USP4: variants seen among roughly 807,000 people sequenced by gnomAD.
USP4 encodes ubiquitin specific peptidase 4, also known as ubiquitin carboxyl-terminal hydrolase 4.
Under a neutral mutation model 118.2 loss-of-function variants are expected in USP4, and 72 were observed. The observed-to-expected ratio is 0.61, with a 90% CI of 0.50 to 0.74. USP4 has a LOEUF of 0.74. USP4 is among the 30% of genes least tolerant of loss of function. USP4 has a pLI of 0.00. For missense variants in USP4, 1,037 were observed against 1,185.7 expected (o/e 0.87, Z 1.84); for synonymous variants, 415 against 440.4 (o/e 0.94, Z 0.72).
At chr3:49,316,960 C>T in intron 6 of USP4, 1 of 634,894 alleles carries the variant, frequency 1.6e-6, no homozygotes, top group Non-Finnish European at 2.8e-6. Flanking sequence ...TTGGCAGCTG[C>T]CCCTCTTAGC....
chr3:49,316,477 G>C (rs1382298454), intron 6 of USP4, among the ~76,000 whole-genome samples: 1 of 151,744 alleles, frequency 6.6e-6, no homozygotes, highest in African/African-American at 2.4e-5. Context: ...ATGCCACTAT[G>C]CCTGGCTATT....
In USP4 at chr3:49,327,683, C is replaced by T. The variant is rs2047570979; in HGVS notation, c.360+3G>A. On this transcript the variant is annotated splice_donor_region_variant and intron_variant, in intron 3 of 21. Transcript: ENST00000265560. ...AGCAGGTGGGACAATTCACATAACT[C>T]ACTTTTCTGACGATGGGTTGCTGGC... 2 of 1,614,038 alleles carry T rather than the reference C, an allele frequency of 1.2e-6. No individual in the cohort carries two copies. Among genetic ancestry groups the T allele is most frequent in the Non-Finnish European group, 1.7e-6 (2 of 1,179,940 alleles).
intron 15 of USP4, among the ~76,000 whole-genome samples, chr3:49,288,226 G>A (rs975188398): frequency 1.3e-5 from 2 of 152,172 alleles, no homozygotes; most frequent in African/African-American, 4.8e-5. Context: ...CTGCCTCTCG[G>A]AGAAGGGCAG....
At chr3:49,279,851 G>A (rs943317022) in intron 20 of USP4, among the ~76,000 whole-genome samples, 1 of 152,216 alleles carries the variant, frequency 6.6e-6, no homozygotes, top group African/African-American at 2.4e-5. Context: ...CAATTTTGAA[G>A]TTCCAACTGT....
chr3:49,292,677 A>G lies in USP4; in HGVS notation c.1884-79T>C, dbSNP rs146906098. On this transcript the variant is annotated intron_variant, in intron 14 of 21. Coordinates refer to ENST00000265560, the MANE Select transcript of USP4 (RefSeq NM_003363.4). ...CTATTTTTTCCACCATGCGGCTAAG[A>G]AGTAGTTCATAATTTATATGGATGA... is the stretch of plus-strand genomic sequence containing the variant. 3.7e-5 allele frequency: 36 copies of G among 975,370 alleles called. No homozygotes were observed. The Middle Eastern group carries it at 6.6e-4, about 18-fold the overall frequency. The allele number at this position is 975,370 out of a possible 1,614,324, so 60.4% of individuals were successfully genotyped here. A position where few individuals can be genotyped will look rare whatever the true frequency, so the allele number is the denominator to read the frequency against.
chr3:49,329,112 G>A (rs1336988749), intron 2 of USP4, among the ~76,000 whole-genome samples: 1 of 151,574 alleles, frequency 6.6e-6, no homozygotes, highest in Non-Finnish European at 1.5e-5. Context: ...AGGAGGCGGA[G>A]GTTGCAGTGA....
chr3:49,285,861 G>C (rs984158463), intron 16 of USP4, among the ~76,000 whole-genome samples: 1 of 152,166 alleles, frequency 6.6e-6, no homozygotes, highest in African/African-American at 2.4e-5. Flanking sequence ...TCCCGCAGAG[G>C]GAGTGGAGGG....
At chr3:49,326,334 TA>T (rs2107799764) in intron 3 of USP4, among the ~76,000 whole-genome samples, 2 of 151,830 alleles carry the variant, frequency 1.3e-5, no homozygotes, top group Non-Finnish European at 2.9e-5. Flanking sequence ...AAAATATATA[TA>T]TATTTTTTTT....
chr3:49,317,539 TTTG>T, intron 6 of USP4: 2 of 564,426 alleles, frequency 3.5e-6, no homozygotes, highest in Non-Finnish European at 3.0e-6. Context: ...TTTTTGTTTG[TTTG>T]TTTTTTTTTT....
Position 49,286,317 on chromosome 3 carries a change from C to A in USP4, c.1981G>T (p.Glu661Ter). Residue 661 changes from glutamate (E) to a stop codon, truncating the protein, a stop_gained, in exon 16 of 22, where the codon GAG becomes TAG. Coordinates refer to ENST00000265560, the MANE Select transcript of USP4 (RefSeq NM_003363.4). LOFTEE classifies it high-confidence loss of function. ...GSRNSCEGED[E>*]EEMEHQEEGK... ...TCTTCCTGATGCTCCATTTCTTCCT[C>A]ATCTTCTCCTGGCACATAAATGGAA... 6.2e-7 allele frequency: 1 copy of A among 1,614,160 alleles called. No individual in the cohort carries two copies. Among genetic ancestry groups the A allele is most frequent in the Non-Finnish European group, 8.5e-7 (1 of 1,180,030 alleles).
At chr3:49,294,662 C>T in intron 13 of USP4, 64 bp from the exon 14 acceptor site, 2 of 1,513,434 alleles carry the variant, frequency 1.3e-6, no homozygotes, top group African/African-American at 1.4e-5. Context: ...GAGATCTGAG[C>T]TGAAGCTATG....
chr3:49,295,103 C>T (rs1314301071), intron 13 of USP4, among the ~76,000 whole-genome samples: 1 of 152,046 alleles, frequency 6.6e-6, no homozygotes, highest in African/African-American at 2.4e-5. Flanking sequence ...TCCTGGCTAA[C>T]ACGGTGAAAC....
chr3:49,278,446 T>C lies in USP4; in HGVS notation c.2739A>G (p.Lys913=). The change falls in exon 22 of 22, where the codon AAA becomes AAG. Residue 913 remains lysine, a synonymous_variant. Transcript: ENST00000265560. The stretch of plus-strand genomic sequence containing the variant: ...GTTGGTAAAATAGCACATAAGCTGC[T>C]TTAGTCTGAAATACAAGAGGGGGAA... ...SLASEDQIVT[K]AAYVLFYQRR... 1 of 1,613,688 alleles carries C rather than the reference T, an allele frequency of 6.2e-7. No homozygotes were observed. Among genetic ancestry groups the C allele is most frequent in the Non-Finnish European group, 8.5e-7 (1 of 1,179,868 alleles).
At chr3:49,333,831 C>A (rs1209899203) in intron 2 of USP4, among the ~76,000 whole-genome samples, 3 of 152,052 alleles carry the variant, frequency 2.0e-5, no homozygotes. Context: ...ACCAGCCTGA[C>A]CAACATGGAG....
At position 49,292,603 on chromosome 3, in the gene USP4, A is replaced by G; in HGVS notation, c.1884-5T>C. ...AAAGGCTGTTTCACATAGCGGCTTC[A>G]AAAAGAGAAAAAGAGAAGAAAAAAA... On this transcript the variant is annotated splice_polypyrimidine_tract_variant and splice_region_variant and intron_variant, in intron 14 of 21. Coordinates refer to ENST00000265560, the MANE Select transcript of USP4 (RefSeq NM_003363.4). 6.5e-7 allele frequency: 1 copy of G among 1,537,840 alleles called. No homozygotes were observed. The highest frequency in any genetic ancestry group is 8.8e-7 in the Non-Finnish European group (1 of 1,139,432).
rs145007500 is a variant in USP4, at chr3:49,335,570, T to C, written c.128A>G (p.Lys43Arg). The C allele has an allele frequency of 1.0e-4, 164 of 1,614,220 alleles. 2 individuals are homozygous for C. In the Middle Eastern group the frequency reaches 2.1e-3, roughly 21 times the overall value. ...AAAGCCCACATACTTCTTCCACTGCTTGAACCACCGGCTGTCAATAAGATA... is the reference window on the plus strand; with the variant it reads ...AAAGCCCACATACTTCTTCCACTGCCTGAACCACCGGCTGTCAATAAGATA... ...QWYLIDSRWF[K>R]QWKKYVGFDS... Residue 43 changes from lysine to arginine, a missense_variant, in exon 2 of 22, where the codon AAG (lysine) becomes AGG (arginine). This residue lies in a region of USP4 where 487 missense variants were observed against 534.1 expected (regional missense o/e 0.91). Transcript: ENST00000265560.
intron 8 of USP4, among the ~76,000 whole-genome samples, chr3:49,309,923 C>T (rs1189868220): frequency 1.7e-4 from 13 of 74,454 alleles, no homozygotes; most frequent in African/African-American, 6.3e-4. Flanking sequence ...CACAGTGCTG[C>T]CCCCGGACTT....
chr3:49,324,828 C>T, intron 5 of USP4, 65 bp from the exon 6 acceptor site: 2 of 1,613,534 alleles, frequency 1.2e-6, no homozygotes, highest in Non-Finnish European at 1.7e-6. Flanking sequence ...TGCTTAGAAG[C>T]AAAAAGTATC....
In USP4 at chr3:49,291,281, A is replaced by G. The variant is rs539117975; in HGVS notation, c.1972+1229T>C. The stretch of plus-strand genomic sequence containing the variant: ...ACCCAGCCTCAAGACCCTACTCTTA[A>G]AAAAAAAAAAAAAAGCTGGGCACAG... On this transcript the variant is annotated intron_variant, in intron 15 of 21. Coordinates refer to ENST00000265560, the MANE Select transcript of USP4 (RefSeq NM_003363.4). Among the ~76,000 whole-genome samples, 42 of 143,576 alleles carry G rather than the reference A, an allele frequency of 2.9e-4. 1 individual carries two copies. The highest frequency in any genetic ancestry group is 2.4e-3 in the Admixed American group (35 of 14,386). 94.2% of individuals were successfully genotyped at this position (143,576 alleles called of 152,430 possible).
Sources: allele counts gnomAD v4.1 joint callset (sites outside exome capture counted in the v4.1 genomes callset), GRCh38; gene constraint gnomAD v4.1.1; regional missense constraint gnomAD v4.1.1; transcripts MANE v1.5; gene names NCBI Gene and HGNC (gene_info 2026-07-23, HGNC 2026-07-21).